Variants in BLM observed in about 807,000 individuals in gnomAD.
BLM encodes BLM RecQ like helicase, also known as recQ-like DNA helicase BLM.
Under a neutral mutation model 135.3 loss-of-function variants are expected in BLM, and 95 were observed. That is an observed-to-expected ratio of 0.70 (90% confidence interval 0.59 to 0.83). The LOEUF (loss-of-function observed/expected upper bound fraction) is 0.83. BLM is among the 40% of genes least tolerant of loss of function. The pLI, the probability that BLM is intolerant of heterozygous loss-of-function variation, is 0.00. For missense variants in BLM, 1,518 were observed against 1,663.9 expected, an observed-to-expected ratio of 0.91 and a Z score of 1.53; for synonymous variants, 520 against 589.2, an observed-to-expected ratio of 0.88 and a Z score of 1.70.
In BLM at chr15:90,751,665, C is replaced by T. The variant is rs1895686462; in HGVS notation, c.800-122C>T. 9.2e-6 allele frequency: 7 copies of T among 758,822 alleles called. No individual in the cohort carries two copies. In the South Asian group the frequency reaches 1.1e-4, roughly 12 times the overall value. The allele number at this position is 758,822 out of a possible 1,614,324, so 47.0% of individuals were successfully genotyped here. A position where few individuals can be genotyped will look rare whatever the true frequency, so the allele number is the denominator to read the frequency against. On this transcript the variant is annotated intron_variant, in intron 3 of 21. Transcript: ENST00000355112. ...CATTAGCATGTAAAGGGAGAGGATC[C>T]ATACAAAGTGGTGTGATTGTTTGTG...
rs1896658821 is a variant in BLM at position 90,783,096 on chromosome 15, A to T, written c.2662+168A>T. Among the ~76,000 whole-genome samples, 5 of 152,374 alleles carry T rather than the reference A, an allele frequency of 3.3e-5. No homozygotes were observed. In the South Asian group the frequency reaches 1.0e-3, roughly 32 times the overall value. On this transcript the variant is annotated intron_variant, in intron 13 of 21. Coordinates refer to ENST00000355112, the MANE Select transcript of BLM (RefSeq NM_000057.4). ...ACTCTCTCAATTCTGGAAATTATAA[A>T]ATCTCATTTGGTTTAATAACAATAA...
Position 90,749,566 on chromosome 15 carries a change from C to CA in BLM, c.299dup (p.Arg101GlufsTer42), listed in dbSNP as rs768777000. On this transcript the variant is annotated frameshift_variant, in exon 3 of 22. Transcript: ENST00000355112. LOFTEE classifies it high-confidence loss of function. ...AAATGCTCCAGCAGGACAGGAAACA[C>CA]AGAGAGGTGGATCAAAATCATTATT... 1.9e-6 allele frequency: 3 copies of CA among 1,614,168 alleles called. No individual in the cohort carries two copies. The African/African-American group carries it at 4.0e-5, about 22-fold the overall frequency.
At chr15:90,730,662 G>T (rs972372401) in intron 1 of BLM, among the ~76,000 whole-genome samples, 2 of 152,024 alleles carry the variant, frequency 1.3e-5, no homozygotes, top group Non-Finnish European at 2.9e-5. Context: ...TGGCCAGACT[G>T]GTCTCGAACT....
intron 1 of BLM, among the ~76,000 whole-genome samples, chr15:90,724,910 GT>G (rs1417666874): frequency 6.6e-6 from 1 of 152,066 alleles, no homozygotes; most frequent in Non-Finnish European, 1.5e-5. Context: ...CCCAGAGGAA[GT>G]TTTGTTTTGT....
In BLM at chr15:90,776,166, C is replaced by T. The variant is rs116727263; in HGVS notation, c.2555+6580C>T. 2.6e-3 allele frequency among the ~76,000 whole-genome samples: 392 copies of T among 152,178 alleles called. 2 individuals carry two copies. Among genetic ancestry groups the T allele is most frequent in the African/African-American group, 8.8e-3 (366 of 41,524 alleles). On this transcript the variant is annotated intron_variant, in intron 12 of 21. Coordinates refer to ENST00000355112, the MANE Select transcript of BLM (RefSeq NM_000057.4). ...CCTTCTGATGTATATGCCAAGATTA[C>T]GTAATGATCAGTCATCAAAAATTAT...
chr15:90,753,871 G>C (rs1480293389), intron 4 of BLM, among the ~76,000 whole-genome samples: 2 of 152,120 alleles, frequency 1.3e-5, no homozygotes, highest in South Asian at 4.1e-4. Context: ...CAATAACCCA[G>C]TGGTTTTAAT....
intron 1 of BLM, among the ~76,000 whole-genome samples, chr15:90,730,653 G>A (rs1895043536): frequency 6.6e-6 from 1 of 151,990 alleles, no homozygotes; most frequent in Admixed American, 6.6e-5. Flanking sequence ...TCACCATATT[G>A]GCCAGACTGG....
At chr15:90,729,259 G>A (rs1347983958) in intron 1 of BLM, among the ~76,000 whole-genome samples, 2 of 152,128 alleles carry the variant, frequency 1.3e-5, no homozygotes, top group Non-Finnish European at 2.9e-5. Context: ...GCAGTTTGCC[G>A]AGATCGCGCC....
At chr15:90,752,419 C>T (rs1228019955) in intron 4 of BLM, among the ~76,000 whole-genome samples, 4 of 152,196 alleles carry the variant, frequency 2.6e-5, no homozygotes, top group Non-Finnish European at 4.4e-5. Flanking sequence ...TCAGGCAATC[C>T]GCCCGCCTTG....
chr15:90,774,987 G>A (rs957957535), intron 12 of BLM, among the ~76,000 whole-genome samples: 3 of 152,192 alleles, frequency 2.0e-5, no homozygotes, highest in Non-Finnish European at 4.4e-5. Context: ...TTTAACCTGG[G>A]AAGTGGCTTG....
At position 90,790,631 on chromosome 15, in the gene BLM, C is replaced by T. The variant is rs958623858; in HGVS notation, c.2824-18C>T. 1.2e-6 allele frequency: 2 copies of T among 1,610,364 alleles called. No individual in the cohort carries two copies. Among genetic ancestry groups the T allele is most frequent in the Non-Finnish European group, 1.7e-6 (2 of 1,176,626 alleles). On this transcript the variant is annotated intron_variant, in intron 14 of 21. Transcript: ENST00000355112. ...GTCTGTGCCTTATGAATCTAATAAG[C>T]TTTTGCTTTTATATCAGGTTATCTG...
At chr15:90,776,734 T>G (rs1896487402) in intron 12 of BLM, among the ~76,000 whole-genome samples, 1 of 152,102 alleles carries the variant, frequency 6.6e-6, no homozygotes, top group African/African-American at 2.4e-5. Context: ...GAGACGGAGT[T>G]TCACCATGTT....
At chr15:90,763,933 C>G (rs1197373616) in intron 8 of BLM, among the ~76,000 whole-genome samples, 1 of 152,204 alleles carries the variant, frequency 6.6e-6, no homozygotes, top group East Asian at 1.9e-4. Context: ...AGCAAGTTAG[C>G]TAGTGCTGTC....
In BLM at chr15:90,815,943, T is replaced by G. The variant is rs1247561578; in HGVS notation, c.*664T>G. On this transcript the variant is annotated 3_prime_UTR_variant, in exon 22 of 22. Coordinates refer to ENST00000355112, the MANE Select transcript of BLM (RefSeq NM_000057.4). The surrounding 1 kb of genome is among the most constrained non-coding windows in gnomAD (Gnocchi z 4.6). The stretch of plus-strand genomic sequence containing the variant: ...AAATACAAAAATTAGCCAGGCGTGG[T>G]GTACAGGCACGCCTGTAGTCCCAGC... 1 of 152,444 alleles carries G rather than the reference T, an allele frequency of 6.6e-6. No individual in the cohort carries two copies. The highest frequency in any genetic ancestry group is 2.4e-5 in the African/African-American group (1 of 41,346). The allele number at this position is 152,444 out of a possible 1,614,324, so 9.4% of individuals were successfully genotyped here.
In BLM at chr15:90,804,073, C is replaced by T. The variant is rs1480257738; in HGVS notation, c.3559-94C>T. 5 of 1,187,274 alleles carry T rather than the reference C, an allele frequency of 4.2e-6. No individual in the cohort carries two copies. The Admixed American group carries it at 1.0e-4, about 24-fold the overall frequency. 73.5% of individuals were successfully genotyped at this position (1,187,274 alleles called of 1,614,324 possible). A position where few individuals can be genotyped will look rare whatever the true frequency, so the allele number is the denominator to read the frequency against. ...CTATCTGCATGACAGAATAGAATTG[C>T]CCCCCAAAAATGCAATTAAGCATTA... is the stretch of plus-strand genomic sequence containing the variant. On this transcript the variant is annotated intron_variant, in intron 18 of 21. Transcript: ENST00000355112.
chr15:90,774,500 G>C (rs1440621747), intron 12 of BLM, among the ~76,000 whole-genome samples: 1 of 151,990 alleles, frequency 6.6e-6, no homozygotes, highest in East Asian at 1.9e-4. Flanking sequence ...CATTTTAGCA[G>C]GCAAAGAGTG....
chr15:90,781,614 G>A lies in BLM; in HGVS notation c.2556-1208G>A, dbSNP rs537161049. Among the ~76,000 whole-genome samples, 7 of 152,210 alleles carry A rather than the reference G, an allele frequency of 4.6e-5. No homozygotes were observed. In the South Asian group the frequency reaches 1.0e-3, roughly 23 times the overall value. ...GCACTCCAGCCTGGGTGACAAGCGC[G>A]AGACTCCCTCTCAAAAAAATAATAA... On this transcript the variant is annotated intron_variant, in intron 12 of 21. Coordinates refer to ENST00000355112, the MANE Select transcript of BLM (RefSeq NM_000057.4).
At chr15:90,798,135 A>T in intron 16 of BLM, 55 bp from the exon 17 acceptor site, 2 of 1,465,364 alleles carry the variant, frequency 1.4e-6, no homozygotes, top group Non-Finnish European at 1.9e-6. Context: ...AAACCCTAGT[A>T]ATCTAGGCAT....
chr15:90,728,730 C>A (rs1894983883), intron 1 of BLM, among the ~76,000 whole-genome samples: 1 of 152,066 alleles, frequency 6.6e-6, no homozygotes, highest in Admixed American at 6.6e-5. Context: ...TTGATGTCAT[C>A]TTAAAAAGTT....
Sources: gnomAD v4.1 joint callset for allele counts (sites outside exome capture counted in the v4.1 genomes callset) on GRCh38, gnomAD v4.1.1 for gene constraint, Gnocchi (gnomAD v3.1) non-coding constraint, MANE v1.5 for transcripts, NCBI Gene and HGNC (gene_info 2026-07-23, HGNC 2026-07-21) for gene names.